The following CHL1 variants were observed in gnomAD, a reference collection of about 807,000 sequenced individuals.
The protein encoded by CHL1 is cell adhesion molecule L1 like.
A neutral mutation model predicts 141.9 loss-of-function variants in CHL1; 96 were observed. The observed-to-expected ratio is 0.68, with a 90% CI of 0.57 to 0.80. The LOEUF is 0.80. CHL1 is among the 30% of genes least tolerant of loss of function. CHL1 has a pLI of 0.00. For missense variants in CHL1, 1,820 were observed against 1,457.2 expected, an observed-to-expected ratio of 1.25 and a Z score of -4.05; for synonymous variants, 613 against 502.2, an observed-to-expected ratio of 1.22 and a Z score of -2.95.
At chr3:296,489 T>C (rs1698197781) in intron 2 of CHL1, among the ~76,000 whole-genome samples, 1 of 152,160 alleles carries the variant, frequency 6.6e-6, no homozygotes. Context: ...GACCTCTTCA[T>C]GAATTTAGAA....
intron 7 of CHL1, 32 bp downstream of exon 7, chr3:342,114 T>C: frequency 1.9e-6 from 3 of 1,549,042 alleles, no homozygotes; most frequent in Non-Finnish European, 8.9e-7. Flanking sequence ...TTTCATCATG[T>C]ATGCTGAATG....
chr3:325,116 G>A (rs1700903540), intron 3 of CHL1, among the ~76,000 whole-genome samples: 1 of 149,798 alleles, frequency 6.7e-6, no homozygotes, highest in Non-Finnish European at 1.5e-5. Flanking sequence ...AAACATAAAT[G>A]AGGAATAACA....
At chr3:330,560 A>T (rs982862070) in intron 5 of CHL1, among the ~76,000 whole-genome samples, 24 of 152,138 alleles carry the variant, frequency 1.6e-4, no homozygotes, top group African/African-American at 4.8e-4. Flanking sequence ...CATATTTATT[A>T]AAAAAAGAAA....
intron 5 of CHL1, among the ~76,000 whole-genome samples, chr3:331,092 G>A (rs1429175962): frequency 6.6e-6 from 1 of 152,102 alleles, no homozygotes; most frequent in Non-Finnish European, 1.5e-5. Context: ...ATAAAAGGCT[G>A]AACAGTGAAA....
chr3:356,311 C>T (rs1244321991), intron 11 of CHL1, among the ~76,000 whole-genome samples: 1 of 152,182 alleles, frequency 6.6e-6, no homozygotes, highest in Admixed American at 6.5e-5. Flanking sequence ...TGGTATTTGG[C>T]TGTTTACAAA....
chr3:351,866 C>A (rs60470753), intron 10 of CHL1, among the ~76,000 whole-genome samples: 2 of 152,138 alleles, frequency 1.3e-5, no homozygotes, highest in Non-Finnish European at 2.9e-5. Flanking sequence ...CTAGGTACAA[C>A]TGTATATTCT....
At position 337,794 on chromosome 3, in the gene CHL1, G is replaced by A. The variant is rs116642756; in HGVS notation, c.386-3000G>A. ...TGGTTCCAGGACATTTGGGTTGGTT[G>A]CAGGTCTTTACTATTGTGAATAGTG... On this transcript the variant is annotated intron_variant, in intron 5 of 27. Coordinates refer to ENST00000256509, the MANE Select transcript of CHL1 (RefSeq NM_006614.4). Among the ~76,000 whole-genome samples, 226 of 152,164 alleles carry A rather than the reference G, an allele frequency of 1.5e-3. 1 individual carries two copies. The highest frequency in any genetic ancestry group is 0.01 in the Middle Eastern group (3 of 294).
intron 5 of CHL1, among the ~76,000 whole-genome samples, chr3:339,429 C>T (rs1702190816): frequency 6.6e-6 from 1 of 152,096 alleles, no homozygotes; most frequent in Non-Finnish European, 1.5e-5. Context: ...AAATGTGATT[C>T]AAAGATGGTT....
chr3:290,883 C>T (rs368432523), intron 2 of CHL1, among the ~76,000 whole-genome samples: 89 of 146,286 alleles, frequency 6.1e-4, no homozygotes, highest in African/African-American at 2.1e-3. Flanking sequence ...TTGTGGTGAG[C>T]AGAGAATGTA....
intron 2 of CHL1, among the ~76,000 whole-genome samples, chr3:275,033 C>T (rs1375327867): frequency 1.3e-5 from 2 of 152,218 alleles, no homozygotes; most frequent in South Asian, 2.1e-4. Context: ...CAGTGTGGTC[C>T]TACTCACCAC....
In CHL1 at chr3:257,251, C is replaced by T. The variant is rs188898438; in HGVS notation, c.-95+12559C>T. ...TTAAAAAAAATTTAGTTCTCTTTCC[C>T]TTAATTCTTTCAATATTTCAGGTAG... On this transcript the variant is annotated intron_variant, in intron 2 of 27. Transcript: ENST00000256509. Among the ~76,000 whole-genome samples the T allele has an allele frequency of 2.0e-3, 302 of 152,062 alleles. 1 individual carries two copies. The highest frequency in any genetic ancestry group is 7.1e-3 in the African/African-American group (295 of 41,488).
intron 2 of CHL1, among the ~76,000 whole-genome samples, chr3:262,029 C>T (rs199528493): frequency 1.1e-3 from 19 of 17,926 alleles, no homozygotes; most frequent in African/African-American, 2.2e-3. Flanking sequence ...TAGATCTACA[C>T]AGTACTCACA....
At chr3:295,811 A>G (rs1698137138) in intron 2 of CHL1, among the ~76,000 whole-genome samples, 1 of 152,184 alleles carries the variant, frequency 6.6e-6, no homozygotes, top group Non-Finnish European at 1.5e-5. Flanking sequence ...GCAAGTTAAC[A>G]AATGCTGGAC....
intron 16 of CHL1, among the ~76,000 whole-genome samples, chr3:381,916 A>C (rs1209896382): frequency 6.6e-6 from 1 of 152,016 alleles, no homozygotes; most frequent in African/African-American, 2.4e-5. Context: ...CTGTGATTCC[A>C]GCTTCCTTGG....
intron 23 of CHL1, 77 bp downstream of exon 23, chr3:391,874 A>T (rs1708256942): frequency 8.5e-7 from 1 of 1,176,398 alleles, no homozygotes; most frequent in African/African-American, 1.6e-5. Context: ...CTATGTTGGG[A>T]GTCTAATGAT....
intron 26 of CHL1, among the ~76,000 whole-genome samples, chr3:399,997 G>A (rs894634380): frequency 3.3e-5 from 5 of 152,134 alleles, no homozygotes; most frequent in African/African-American, 4.8e-5. Context: ...GTAATATGAC[G>A]TTTGCCTTTA....
intron 15 of CHL1, among the ~76,000 whole-genome samples, chr3:375,120 C>A (rs902133046): frequency 6.6e-6 from 1 of 152,086 alleles, no homozygotes; most frequent in Non-Finnish European, 1.5e-5. Context: ...TTGAAATGCC[C>A]CCCCAGGAAT....
chr3:346,233 GT>G (rs1405782995), intron 9 of CHL1, among the ~76,000 whole-genome samples: 4 of 152,124 alleles, frequency 2.6e-5, no homozygotes, highest in African/African-American at 9.7e-5. Flanking sequence ...TTGCTTGTCT[GT>G]CTTCAACTCC....
rs547841912 is a variant in CHL1, at chr3:299,778, G to A, written c.-94-19905G>A. On this transcript the variant is annotated intron_variant, in intron 2 of 27. Coordinates refer to ENST00000256509, the MANE Select transcript of CHL1 (RefSeq NM_006614.4). Reference sequence around the variant, plus strand: ...GGGGAGCAGTGAAACAACACTAGGAGGACAATTAGTCATCATTCAGAGTGT... The same window carrying A: ...GGGGAGCAGTGAAACAACACTAGGAAGACAATTAGTCATCATTCAGAGTGT... Among the ~76,000 whole-genome samples, 47 of 152,228 alleles carry A rather than the reference G, an allele frequency of 3.1e-4. 1 individual carries two copies. The highest frequency in any genetic ancestry group is 2.5e-3 in the South Asian group (12 of 4,830).
Sources: gnomAD v4.1 joint callset for allele counts (sites outside exome capture counted in the v4.1 genomes callset) on GRCh38, gnomAD v4.1.1 for gene constraint, MANE v1.5 for transcripts, NCBI Gene and HGNC (gene_info 2026-07-23, HGNC 2026-07-21) for gene names.